The following ADARB2 variants were observed in gnomAD, a reference collection of about 807,000 sequenced individuals.
ADARB2 encodes adenosine deaminase RNA specific B2 (inactive).
Under a neutral mutation model 62.2 loss-of-function variants are expected in ADARB2, and 25 were observed. The ratio of observed to expected loss-of-function variants is 0.40; its 90% CI spans 0.29 to 0.56. The LOEUF (loss-of-function observed/expected upper bound fraction) is 0.56, where lower values mean the gene tolerates loss of function less well. ADARB2 is among the 20% of genes least tolerant of loss of function. The probability of loss-of-function intolerance (pLI) is 0.43; values close to 1 mark genes in which losing one functional copy is unlikely to be tolerated. For missense variants in ADARB2, 1,071 were observed against 1,077.4 expected (o/e 0.99, Z 0.08); for synonymous variants, 572 against 500.8 (o/e 1.14, Z -1.90).
chr10:1,631,621 A>C (rs1029967014), intron 1 of ADARB2, among the ~76,000 whole-genome samples: 3 of 152,202 alleles, frequency 2.0e-5, no homozygotes, highest in Non-Finnish European at 4.4e-5. Context: ...GGTGGCTGGC[A>C]GATGAATGGG....
intron 1 of ADARB2, among the ~76,000 whole-genome samples, chr10:1,445,153 A>G (rs1041110994): frequency 3.6e-5 from 5 of 137,796 alleles, no homozygotes; most frequent in Admixed American, 1.5e-4. Flanking sequence ...CTCACCATCT[A>G]TCTATCTACA....
At chr10:1,277,095 A>G (rs940198878) in intron 3 of ADARB2, among the ~76,000 whole-genome samples, 15 of 152,338 alleles carry the variant, frequency 9.8e-5, no homozygotes, top group Non-Finnish European at 2.1e-4. Context: ...TCTCTGGGAC[A>G]CATTCAAAGC....
In ADARB2 at chr10:1,710,383, A is replaced by G. The variant is rs77545465; in HGVS notation, c.100+26668T>C. ...TTACCATCCTTTCTCCAAAAAAGTT[A>G]CTATTTAGGAGAAATATAATGGATA... is the stretch of plus-strand genomic sequence containing the variant. On this transcript the variant is annotated intron_variant, in intron 1 of 9. Transcript: ENST00000381312. 4.1e-3 allele frequency among the ~76,000 whole-genome samples: 621 copies of G among 152,318 alleles called. 7 individuals carry two copies. Among genetic ancestry groups the G allele is most frequent in the African/African-American group, 0.014 (599 of 41,570 alleles).
chr10:1,638,506 G>GT (rs5782589), intron 1 of ADARB2, among the ~76,000 whole-genome samples: 66,812 of 148,540 alleles, frequency 0.45, 15,753 homozygotes, highest in Middle Eastern at 0.57. Context: ...CTTTCATGAG[G>GT]TTTTTTTTTT....
At chr10:1,718,334 C>T (rs2119161421) in intron 1 of ADARB2, among the ~76,000 whole-genome samples, 1 of 152,332 alleles carries the variant, frequency 6.6e-6, no homozygotes, top group South Asian at 2.1e-4. Flanking sequence ...CGTGGTCCCA[C>T]CCACATGCAT....
chr10:1,279,179 G>A (rs989058316), intron 3 of ADARB2, among the ~76,000 whole-genome samples: 4 of 152,132 alleles, frequency 2.6e-5, no homozygotes, highest in African/African-American at 9.7e-5. Context: ...TGATGGTGTC[G>A]GCCAGGTCAG....
chr10:1,556,666 G>T, intron 1 of ADARB2: 1 of 534,132 alleles, frequency 1.9e-6, no homozygotes, highest in Non-Finnish European at 3.8e-6. Flanking sequence ...CAAGTACCCC[G>T]GCTGCAACCA....
At chr10:1,482,795 C>T (rs559851242) in intron 1 of ADARB2, among the ~76,000 whole-genome samples, 38 of 152,062 alleles carry the variant, frequency 2.5e-4, no homozygotes, top group Middle Eastern at 6.8e-3. Flanking sequence ...TATGTGGACA[C>T]TCGTGCAGGA....
chr10:1,335,170 C>A (rs985958010), intron 3 of ADARB2, among the ~76,000 whole-genome samples: 7 of 146,622 alleles, frequency 4.8e-5, no homozygotes, highest in African/African-American at 1.8e-4. Flanking sequence ...GCGCCTGGGG[C>A]AGATAGTACT....
chr10:1,311,460 G>C (rs957339462), intron 3 of ADARB2, among the ~76,000 whole-genome samples: 2 of 151,932 alleles, frequency 1.3e-5, no homozygotes, highest in Non-Finnish European at 2.9e-5. Context: ...TGCTTAGTGG[G>C]TTCTTCCGGG....
intron 1 of ADARB2, among the ~76,000 whole-genome samples, chr10:1,442,857 C>T (rs1307502301): frequency 6.6e-6 from 1 of 151,906 alleles, no homozygotes; most frequent in Non-Finnish European, 1.5e-5. Flanking sequence ...GGTATGACCA[C>T]CTGAGCTGAA....
At chr10:1,537,358 T>A (rs1832345730) in intron 1 of ADARB2, among the ~76,000 whole-genome samples, 1 of 152,248 alleles carries the variant, frequency 6.6e-6, no homozygotes, top group Admixed American at 6.5e-5. Flanking sequence ...TTTTACACTG[T>A]TGGTGGGAAT....
At chr10:1,365,039 A>C (rs772546069) in intron 2 of ADARB2, among the ~76,000 whole-genome samples, 3 of 151,544 alleles carry the variant, frequency 2.0e-5, no homozygotes, top group Non-Finnish European at 4.4e-5. Context: ...CGCCTGGCTA[A>C]TTTTTGTATT....
chr10:1,561,828 C>T (rs1037850736), intron 1 of ADARB2, among the ~76,000 whole-genome samples: 7 of 152,236 alleles, frequency 4.6e-5, no homozygotes, highest in Admixed American at 1.3e-4. Context: ...TCCCCAGCAC[C>T]GCCGCTCCCT....
intron 1 of ADARB2, among the ~76,000 whole-genome samples, chr10:1,723,669 G>A (rs1372344995): frequency 6.6e-6 from 1 of 152,090 alleles, no homozygotes; most frequent in African/African-American, 2.4e-5. Flanking sequence ...GAATCACCAC[G>A]GTTCTCTCCA....
chr10:1,625,527 G>A (rs1362941739), intron 1 of ADARB2, among the ~76,000 whole-genome samples: 3 of 152,132 alleles, frequency 2.0e-5, no homozygotes, highest in Admixed American at 6.5e-5. Flanking sequence ...GCCTCTGGAG[G>A]TGCAGGGCTT....
At chr10:1,687,982 G>C (rs1834617468) in intron 1 of ADARB2, among the ~76,000 whole-genome samples, 1 of 152,232 alleles carries the variant, frequency 6.6e-6, no homozygotes, top group East Asian at 1.9e-4. Context: ...TAAAGGCTCT[G>C]AGCAGATGGC....
chr10:1,567,391 G>A (rs898443805), intron 1 of ADARB2, among the ~76,000 whole-genome samples: 6 of 152,252 alleles, frequency 3.9e-5, no homozygotes, highest in African/African-American at 1.4e-4. Context: ...GGATGTGGCT[G>A]TGGGTGTTGG....
intron 3 of ADARB2, among the ~76,000 whole-genome samples, chr10:1,299,482 T>C (rs1480100743): frequency 6.6e-6 from 1 of 152,192 alleles, no homozygotes; most frequent in Admixed American, 6.5e-5. Context: ...TTGGTGATTT[T>C]AAGTGTGCAG....
Sources: gnomAD v4.1 joint callset for allele counts (sites outside exome capture counted in the v4.1 genomes callset) on GRCh38, gnomAD v4.1.1 for gene constraint, MANE v1.5 for transcripts, NCBI Gene and HGNC (gene_info 2026-07-23, HGNC 2026-07-21) for gene names.